Variants in SPAG9 observed in about 807,000 individuals in gnomAD.
SPAG9 encodes the protein C-Jun-amino-terminal kinase-interacting protein 4.
Under a neutral mutation model 166.5 loss-of-function variants are expected in SPAG9, and 35 were observed. The observed-to-expected ratio is 0.21, with a 90% CI of 0.16 to 0.28. The LOEUF (loss-of-function observed/expected upper bound fraction) is 0.28, where lower values mean the gene tolerates loss of function less well. SPAG9 is among the 10% of genes least tolerant of loss of function. The pLI is 1.00. For synonymous variants in SPAG9, 534 were observed against 565.5 expected (o/e 0.94, Z 0.79); for missense variants, 1,235 against 1,603.3 (o/e 0.77, Z 3.92).
At chr17:51,028,089 A>G (rs1423924799) in intron 6 of SPAG9, among the ~76,000 whole-genome samples, 1 of 151,854 alleles carries the variant, frequency 6.6e-6, no homozygotes, top group African/African-American at 2.4e-5. Context: ...AATTTTTTTT[A>G]AATAGATAAA....
chr17:51,061,133 A>G, intron 2 of SPAG9, among the ~76,000 whole-genome samples: 1 of 89,082 alleles, frequency 1.1e-5, no homozygotes, highest in Non-Finnish European at 2.6e-5. Flanking sequence ...GGCGTAAGCC[A>G]CCGCGCCCCA....
chr17:50,970,719 C>T lies in SPAG9; in HGVS notation c.3838G>A (p.Asp1280Asn), dbSNP rs778025223. ...LVISGGEGYI[D>N]FRMGDEGGES... ...ACCAATGACATACCCATTCGGAAGT[C>T]GATGTAGCCCTCTCCTCCACTGATG... is the stretch of plus-strand genomic sequence containing the variant. The change falls in exon 29 of 30, where the codon GAC becomes AAC. Residue 1280 changes from aspartate to asparagine, a missense_variant. This residue lies in a region of SPAG9 where 243 missense variants were observed against 358.6 expected (regional missense o/e 0.68). Transcript: ENST00000262013. 16 of 1,613,746 alleles carry T rather than the reference C, an allele frequency of 9.9e-6. No homozygotes were observed. The highest frequency in any genetic ancestry group is 1.4e-5 in the Non-Finnish European group (16 of 1,179,734).
intron 28 of SPAG9, 58 bp from the exon 29 acceptor site, chr17:50,970,914 T>C: frequency 1.0e-6 from 1 of 991,234 alleles, no homozygotes; most frequent in Non-Finnish European, 1.4e-6. Flanking sequence ...GGCTGTTTTG[T>C]TTTTTTTTTT....
intron 1 of SPAG9, among the ~76,000 whole-genome samples, chr17:51,101,401 A>C (rs1384075821): frequency 6.6e-6 from 1 of 151,880 alleles, no homozygotes; most frequent in African/African-American, 2.4e-5. Context: ...CTACACTTTG[A>C]AAAAACTGCT....
At chr17:51,029,268 C>T (rs944821242) in intron 6 of SPAG9, among the ~76,000 whole-genome samples, 1 of 152,088 alleles carries the variant, frequency 6.6e-6, no homozygotes, top group East Asian at 1.9e-4. Context: ...CAAATCAAAA[C>T]CACAATGAGA....
chr17:50,965,084 T>TTA lies in SPAG9; in HGVS notation c.*1187_*1188insTA. ...CCTATTTTTTTTTTTTAATGGGCATTGTGAATGAAAATATGTAATGTCAAC... is the reference window on the plus strand; with the variant it reads ...CCTATTTTTTTTTTTTAATGGGCATTTAGTGAATGAAAATATGTAATGTCAAC... On this transcript the variant is annotated 3_prime_UTR_variant, in exon 30 of 30. Transcript: ENST00000262013. 6.6e-6 allele frequency: 1 copy of TTA among 152,390 alleles called. No homozygotes were observed. The highest frequency in any genetic ancestry group is 6.5e-5 in the Admixed American group (1 of 15,286). 9.4% of individuals were successfully genotyped at this position (152,390 alleles called of 1,614,324 possible).
At chr17:51,048,889 T>G (rs1344571443) in intron 3 of SPAG9, among the ~76,000 whole-genome samples, 1 of 152,204 alleles carries the variant, frequency 6.6e-6, no homozygotes, top group East Asian at 1.9e-4. Flanking sequence ...ATACTTTTTA[T>G]TTTAAATTTA....
At chr17:51,003,045 G>A (rs2045030932) in intron 12 of SPAG9, among the ~76,000 whole-genome samples, 2 of 151,656 alleles carry the variant, frequency 1.3e-5, no homozygotes, top group Non-Finnish European at 2.9e-5. Context: ...ACCAGCCTAG[G>A]CAACATAGTG....
chr17:50,975,472 T>C (rs758184808), intron 27 of SPAG9: 9 of 222,230 alleles, frequency 4.0e-5, no homozygotes, highest in East Asian at 3.7e-4. Flanking sequence ...ACCAGACTGA[T>C]GGTGTGCTGC....
chr17:51,030,540 T>G (rs1000074908), intron 6 of SPAG9, among the ~76,000 whole-genome samples: 4 of 152,170 alleles, frequency 2.6e-5, no homozygotes, highest in Non-Finnish European at 4.4e-5. Context: ...CTCTTTTGAT[T>G]TACAGCTATG....
intron 28 of SPAG9, among the ~76,000 whole-genome samples, chr17:50,972,448 T>C (rs1181001569): frequency 2.0e-5 from 3 of 152,264 alleles, no homozygotes; most frequent in Non-Finnish European, 4.4e-5. Context: ...AATGTGCTGT[T>C]TGTTCTAAAG....
intron 1 of SPAG9, among the ~76,000 whole-genome samples, chr17:51,118,037 G>A (rs917187770): frequency 2.6e-5 from 4 of 151,384 alleles, no homozygotes; most frequent in South Asian, 2.1e-4. Flanking sequence ...CCAGCTACTC[G>A]GGCGGCTGAG....
intron 6 of SPAG9, among the ~76,000 whole-genome samples, chr17:51,022,235 T>C (rs1378599453): frequency 1.3e-5 from 2 of 151,650 alleles, no homozygotes; most frequent in Admixed American, 1.3e-4. Flanking sequence ...CCTGTCTCTT[T>C]GAAAAAAGAG....
intron 19 of SPAG9, among the ~76,000 whole-genome samples, chr17:50,993,131 A>G (rs1975750550): frequency 6.7e-6 from 1 of 149,722 alleles, no homozygotes; most frequent in Admixed American, 6.7e-5. Context: ...CCTGACCAAC[A>G]TGGTAAAACC....
At chr17:51,115,416 CTTT>C (rs71355714) in intron 1 of SPAG9, among the ~76,000 whole-genome samples, 5 of 142,976 alleles carry the variant, frequency 3.5e-5, no homozygotes, top group Non-Finnish European at 1.5e-5. Context: ...TGAACTCATC[CTTT>C]TTTTTTTTTT....
intron 9 of SPAG9, among the ~76,000 whole-genome samples, chr17:51,011,981 C>G (rs2045503645): frequency 6.6e-6 from 1 of 152,136 alleles, no homozygotes; most frequent in Non-Finnish European, 1.5e-5. Context: ...TTTTATCACT[C>G]ATTACTGCAT....
chr17:51,104,097 T>C (rs1210312278), intron 1 of SPAG9, among the ~76,000 whole-genome samples: 2 of 152,080 alleles, frequency 1.3e-5, no homozygotes, highest in Non-Finnish European at 2.9e-5. Context: ...TCTGGCCAGG[T>C]AGATGGTGGT....
intron 1 of SPAG9, among the ~76,000 whole-genome samples, chr17:51,106,303 A>G (rs1170985908): frequency 1.3e-5 from 2 of 152,180 alleles, no homozygotes; most frequent in Non-Finnish European, 2.9e-5. Context: ...ACCGTGTCTC[A>G]AAATAAATAG....
rs1289181785 is a variant in SPAG9, at chr17:51,089,643, T to C, written c.304-9939A>G. The stretch of plus-strand genomic sequence containing the variant: ...TTTTATATATATATATATATATATA[T>C]ATATATATATATATATATATACACA... On this transcript the variant is annotated intron_variant, in intron 1 of 29. Coordinates refer to ENST00000262013, the MANE Select transcript of SPAG9 (RefSeq NM_001130528.3). 9.1e-5 allele frequency among the ~76,000 whole-genome samples: 8 copies of C among 87,706 alleles called. 1 individual carries two copies. Among genetic ancestry groups the C allele is most frequent in the African/African-American group, 4.7e-4 (8 of 17,190 alleles). 57.5% of individuals were successfully genotyped at this position (87,706 alleles called of 152,430 possible).
Sources: gnomAD v4.1 joint callset for allele counts (sites outside exome capture counted in the v4.1 genomes callset) on GRCh38, gnomAD v4.1.1 for gene constraint, gnomAD v4.1.1 regional missense constraint, MANE v1.5 for transcripts, NCBI Gene and HGNC (gene_info 2026-07-23, HGNC 2026-07-21) for gene names.